ZNF215: variants seen among roughly 807,000 people sequenced by gnomAD.
ZNF215 encodes zinc finger protein 215.
A neutral mutation model predicts 27.2 loss-of-function variants in ZNF215; 24 were observed. The observed-to-expected ratio is 0.88, with a 90% CI of 0.64 to 1.24. The LOEUF (loss-of-function observed/expected upper bound fraction) is 1.24, where lower values mean the gene tolerates loss of function less well. ZNF215 is among the 50% of genes most tolerant of loss of function. ZNF215 has a pLI of 0.00. For synonymous variants in ZNF215, 210 were observed against 204.0 expected (o/e 1.03, Z -0.25); for missense variants, 675 against 605.7 (o/e 1.11, Z -1.20).
chr11:6,988,513 C>G (rs932193353), downstream of ZNF215: 1 of 152,542 alleles, frequency 6.6e-6, no homozygotes, highest in Non-Finnish European at 1.5e-5. Flanking sequence ...GGGAAACCAG[C>G]TCTTATATGC....
chr11:6,966,076 TC>T (rs1225861821), intron 5 of ZNF215, among the ~76,000 whole-genome samples: 1 of 152,170 alleles, frequency 6.6e-6, no homozygotes, highest in Non-Finnish European at 1.5e-5. Context: ...AATTATGAAA[TC>T]TATTTTTTAA....
chr11:6,955,672 T>TG lies in ZNF215; in HGVS notation c.713-18_713-17insG, dbSNP rs777923062. 37 of 1,529,848 alleles carry TG rather than the reference T, an allele frequency of 2.4e-5. No individual in the cohort carries two copies. The African/African-American group carries it at 4.9e-4, about 20-fold the overall frequency. The allele number at this position is 1,529,848 out of a possible 1,614,324, so 94.8% of individuals were successfully genotyped here. On this transcript the variant is annotated splice_polypyrimidine_tract_variant and intron_variant, in intron 6 of 6. Coordinates refer to ENST00000278319, the MANE Select transcript of ZNF215 (RefSeq NM_013250.4). ...GCAGTTTCCCTTCTAGTTCATGGCA[T>TG]TTTTTATTTCTCTTTAGACATGAAG...
intron 5 of ZNF215, among the ~76,000 whole-genome samples, chr11:6,982,863 C>G (rs890627361): frequency 6.6e-6 from 1 of 151,838 alleles, no homozygotes; most frequent in Non-Finnish European, 1.5e-5. Context: ...AAAGCAAGAA[C>G]AAACACATTC....
Position 6,928,561 on chromosome 11 carries a change from A to G in ZNF215, c.-180+754A>G, listed in dbSNP as rs566414334. On this transcript the variant is annotated intron_variant, in intron 2 of 6. Coordinates refer to ENST00000278319, the MANE Select transcript of ZNF215 (RefSeq NM_013250.4). Reference sequence around the variant, plus strand: ...TGGTATTTTTTAAAAATTCTTTTACATTTAGTTTTGGAGTTCTCGTTTCGG... The same window carrying G: ...TGGTATTTTTTAAAAATTCTTTTACGTTTAGTTTTGGAGTTCTCGTTTCGG... 2.0e-5 allele frequency among the ~76,000 whole-genome samples: 3 copies of G among 152,144 alleles called. No individual in the cohort carries two copies. In the East Asian group the frequency reaches 5.8e-4, roughly 29 times the overall value.
At chr11:6,987,372 G>C (rs1206712111), downstream of ZNF215, among the ~76,000 whole-genome samples, 1 of 152,140 alleles carries the variant, frequency 6.6e-6, no homozygotes, top group African/African-American at 2.4e-5. Flanking sequence ...GAATACAAGA[G>C]GTGGGAGGAA....
intron 4 of ZNF215, 84 bp downstream of exon 4, chr11:6,941,737 T>G: frequency 7.0e-7 from 1 of 1,425,132 alleles, no homozygotes; most frequent in Non-Finnish European, 9.7e-7. Flanking sequence ...TTTGAACTTG[T>G]GCCAAACATG....
intron 3 of ZNF215, among the ~76,000 whole-genome samples, chr11:6,933,911 A>G (rs2638090): frequency 0.16 from 24,391 of 152,078 alleles, 2,252 homozygotes; most frequent in Middle Eastern, 0.25. Flanking sequence ...CTGGGAAACT[A>G]TAAGACAGTC....
downstream of ZNF215, among the ~76,000 whole-genome samples, chr11:6,986,450 C>T (rs1458133094): frequency 6.6e-6 from 1 of 151,990 alleles, no homozygotes; most frequent in Admixed American, 6.6e-5. Flanking sequence ...AGGAAACACC[C>T]TTCTTGATAT....
intron 5 of ZNF215, among the ~76,000 whole-genome samples, chr11:6,966,499 GA>G (rs112311577): frequency 0.12 from 17,248 of 147,966 alleles, 1,053 homozygotes; most frequent in East Asian, 0.16. Flanking sequence ...AAGTTGGAAA[GA>G]AAAAAAAAAT....
At chr11:6,930,578 T>C (rs1590043155) in intron 2 of ZNF215, among the ~76,000 whole-genome samples, 1 of 152,340 alleles carries the variant, frequency 6.6e-6, no homozygotes, top group East Asian at 1.9e-4. Context: ...TGTGCGCTGA[T>C]ACTTATTTGA....
intron 6 of ZNF215, among the ~76,000 whole-genome samples, chr11:6,947,504 G>C (rs1373380427): frequency 1.3e-5 from 2 of 152,012 alleles, no homozygotes; most frequent in South Asian, 2.1e-4. Context: ...TTGTATCACT[G>C]CATCCCATCC....
chr11:6,982,084 C>T (rs902285256), intron 5 of ZNF215, among the ~76,000 whole-genome samples: 8 of 151,824 alleles, frequency 5.3e-5, no homozygotes, highest in African/African-American at 1.9e-4. Flanking sequence ...ATTGACTTGG[C>T]GATGTGGGCT....
At chr11:6,950,123 T>G (rs954244575) in intron 6 of ZNF215, among the ~76,000 whole-genome samples, 20 of 151,652 alleles carry the variant, frequency 1.3e-4, no homozygotes, top group Admixed American at 1.1e-3. Context: ...TCATGCTGTT[T>G]TGGTTACTGT....
intron 3 of ZNF215, 65 bp downstream of exon 3, chr11:6,932,737 T>C (rs1849309982): frequency 4.1e-6 from 6 of 1,470,760 alleles, no homozygotes; most frequent in South Asian, 2.8e-5. Flanking sequence ...AAATTATCTT[T>C]TTTTGAGGCC....
downstream of ZNF215, among the ~76,000 whole-genome samples, chr11:6,960,647 T>G (rs552609178): frequency 3.3e-5 from 5 of 152,222 alleles, no homozygotes; most frequent in South Asian, 1.0e-3. Flanking sequence ...TTTAGAGAGT[T>G]GTAACCCAGG....
intron 5 of ZNF215, chr11:6,984,086 G>A: frequency 2.5e-6 from 1 of 401,226 alleles, no homozygotes; most frequent in South Asian, 1.8e-5. Flanking sequence ...AATATTTCAG[G>A]AAGATAATTT....
chr11:6,940,401 C>T (rs571883957), intron 3 of ZNF215, among the ~76,000 whole-genome samples: 5 of 152,168 alleles, frequency 3.3e-5, no homozygotes, highest in African/African-American at 4.8e-5. Flanking sequence ...ACCTCCTAGG[C>T]TCGGGAAATC....
At chr11:6,943,435 C>A in intron 5 of ZNF215, 111 bp from the exon 6 acceptor site, 2 of 1,175,240 alleles carry the variant, frequency 1.7e-6, no homozygotes, top group South Asian at 2.9e-5. Flanking sequence ...CTGGCCTTAC[C>A]CTTCAGCAGC....
intron 5 of ZNF215, among the ~76,000 whole-genome samples, chr11:6,981,481 T>G (rs945629070): frequency 1.3e-5 from 2 of 152,206 alleles, no homozygotes; most frequent in African/African-American, 4.8e-5. Flanking sequence ...GTAAATTTGT[T>G]TGAGTTCATT....
Sources: allele counts gnomAD v4.1 joint callset (sites outside exome capture counted in the v4.1 genomes callset), GRCh38; gene constraint gnomAD v4.1.1; transcripts MANE v1.5; gene names NCBI Gene and HGNC (gene_info 2026-07-23, HGNC 2026-07-21).